Variants in AFG3L2 observed in about 807,000 individuals in gnomAD.
AFG3L2 encodes AFG3 like matrix AAA peptidase subunit 2.
A neutral mutation model predicts 94.5 loss-of-function variants in AFG3L2; 54 were observed. The ratio of observed to expected loss-of-function variants is 0.57; its 90% confidence interval spans 0.46 to 0.72. The LOEUF (loss-of-function observed/expected upper bound fraction) is 0.72. AFG3L2 is among the 30% of genes least tolerant of loss of function. AFG3L2 has a pLI of 0.00. For synonymous variants in AFG3L2, 377 were observed against 365.5 expected (o/e 1.03, Z -0.36); for missense variants, 754 against 994.9 (o/e 0.76, Z 3.26).
At chr18:12,365,022 C>T (rs529924498) in intron 5 of AFG3L2, among the ~76,000 whole-genome samples, 3 of 152,158 alleles carry the variant, frequency 2.0e-5, no homozygotes, top group African/African-American at 7.2e-5. Context: ...AGGACTGTAA[C>T]TGGTTTAGGA....
intron 15 of AFG3L2, among the ~76,000 whole-genome samples, chr18:12,338,982 C>T (rs1171432332): frequency 1.3e-5 from 2 of 152,062 alleles, no homozygotes; most frequent in Non-Finnish European, 2.9e-5. Context: ...GGGCCGGGCA[C>T]GGTGGCTCAC....
intron 16 of AFG3L2, among the ~76,000 whole-genome samples, chr18:12,332,463 TTA>T (rs1183877340): frequency 2.0e-5 from 3 of 152,146 alleles, no homozygotes; most frequent in African/African-American, 4.8e-5. Flanking sequence ...GCAATAAATG[TTA>T]TGTTTTTAAA....
chr18:12,361,064 A>G (rs1259405078), intron 6 of AFG3L2, among the ~76,000 whole-genome samples: 1 of 152,244 alleles, frequency 6.6e-6, no homozygotes, highest in Non-Finnish European at 1.5e-5. Flanking sequence ...AAATCAAAAC[A>G]GTAAGTCTAT....
intron 16 of AFG3L2, among the ~76,000 whole-genome samples, chr18:12,330,944 G>C (rs1024064016): frequency 1.3e-5 from 2 of 152,318 alleles, no homozygotes; most frequent in Admixed American, 1.3e-4. Context: ...AACTGTGGCA[G>C]AACTTGGGAC....
chr18:12,331,860 T>C (rs908105119), intron 16 of AFG3L2, among the ~76,000 whole-genome samples: 3 of 141,152 alleles, frequency 2.1e-5, no homozygotes, highest in Non-Finnish European at 4.5e-5. Flanking sequence ...TATATATATA[T>C]AAAACAAGGG....
intron 1 of AFG3L2, among the ~76,000 whole-genome samples, chr18:12,374,497 G>A (rs912861463): frequency 6.6e-6 from 1 of 152,148 alleles, no homozygotes; most frequent in African/African-American, 2.4e-5. Flanking sequence ...TCACAGCACA[G>A]TAATGCCCAG....
chr18:12,357,210 C>T (rs1407259062), intron 8 of AFG3L2, among the ~76,000 whole-genome samples: 2 of 152,138 alleles, frequency 1.3e-5, no homozygotes, highest in African/African-American at 2.4e-5. Flanking sequence ...TTATGTAATT[C>T]TTTTACTCTT....
intron 16 of AFG3L2, among the ~76,000 whole-genome samples, chr18:12,330,106 G>A (rs1429230111): frequency 1.3e-5 from 2 of 152,144 alleles, no homozygotes; most frequent in East Asian, 1.9e-4. Context: ...AGGCCGAGGC[G>A]GGTGGATCAC....
intron 15 of AFG3L2, 108 bp from the exon 16 acceptor site, chr18:12,337,643 CCAGCAGCAG>C (rs376213367): frequency 7.3e-6 from 7 of 953,638 alleles, no homozygotes; most frequent in Admixed American, 3.8e-5. Context: ...CTCTGTGTAG[CCAGCAGCAG>C]CAGCAGCAGC....
At chr18:12,371,054 T>C in intron 2 of AFG3L2, 128 bp from the exon 3 acceptor site, 1 of 579,680 alleles carries the variant, frequency 1.7e-6, no homozygotes, top group Non-Finnish European at 3.1e-6. Flanking sequence ...GGCTCATGCC[T>C]GTAATCCCAG....
chr18:12,342,842 C>G (rs1907997734), intron 14 of AFG3L2: 1 of 152,176 alleles, frequency 6.6e-6, no homozygotes, highest in Non-Finnish European at 1.5e-5. Flanking sequence ...ACTTTCCGGG[C>G]TCCATTCCAC....
rs967408146 is a variant in AFG3L2, at chr18:12,351,331, C to A, written c.1401G>T (p.Gly467=). The A allele has an allele frequency of 1.2e-6, 2 of 1,614,192 alleles. No homozygotes were observed. Among genetic ancestry groups the A allele is most frequent in the Admixed American group, 3.3e-5 (2 of 60,020 alleles). ...CAATAAAGATCTGCCTGTCGAAACG[C>A]CCCGGCCTAAGCAGCGCGGGGTCCA... ...DILDPALLRP[G]RFDRQIFIGP... Residue 467 remains glycine (G), a synonymous_variant, in exon 11 of 17, where the codon GGG becomes GGT. Coordinates refer to ENST00000269143, the MANE Select transcript of AFG3L2 (RefSeq NM_006796.3).
Position 12,367,054 on chromosome 18 carries a change from C to T in AFG3L2, c.463G>A (p.Gly155Ser), listed in dbSNP as rs863223888. 4 of 1,614,166 alleles carry T rather than the reference C, an allele frequency of 2.5e-6. No individual in the cohort carries two copies. Among genetic ancestry groups the T allele is most frequent in the Non-Finnish European group, 1.7e-6 (2 of 1,180,014 alleles). The part of the protein sequence containing the change: ...MFFLWTALFW[G>S]GVMFYLLLKR... ...AGCAGCAAGTAAAACATGACTCCAC[C>T]CCAGAACAGAGCAGTCCAGAGGAAG... The change falls in exon 5 of 17, where the codon GGT becomes AGT. Residue 155 changes from glycine (G) to serine (S), a missense_variant. By Grantham distance (56) the Gly-to-Ser change is moderately conservative. Coordinates refer to ENST00000269143, the MANE Select transcript of AFG3L2 (RefSeq NM_006796.3).
intron 14 of AFG3L2, chr18:12,343,349 T>G (rs1908015691): frequency 6.6e-6 from 1 of 152,198 alleles, no homozygotes; most frequent in Non-Finnish European, 1.5e-5. Flanking sequence ...GTGGGTTCCT[T>G]AGGATGTTTT....
intron 5 of AFG3L2, among the ~76,000 whole-genome samples, chr18:12,366,079 T>G (rs976176930): frequency 6.6e-6 from 1 of 152,084 alleles, no homozygotes; most frequent in Admixed American, 6.5e-5. Context: ...GGTTTCACCA[T>G]GTTAGCCAGG....
chr18:12,339,316 G>A (rs938719142), intron 15 of AFG3L2, among the ~76,000 whole-genome samples: 2 of 150,260 alleles, frequency 1.3e-5, no homozygotes, highest in African/African-American at 4.9e-5. Context: ...GCTTTGAGAG[G>A]CCGAGGCGGG....
At chr18:12,375,633 C>T (rs928909232) in intron 1 of AFG3L2, among the ~76,000 whole-genome samples, 5 of 152,164 alleles carry the variant, frequency 3.3e-5, no homozygotes, top group African/African-American at 4.8e-5. Context: ...GCCAGCTCCA[C>T]CGCCCAGGTT....
At chr18:12,355,388 G>C (rs1908460621) in intron 9 of AFG3L2, among the ~76,000 whole-genome samples, 1 of 152,010 alleles carries the variant, frequency 6.6e-6, no homozygotes. Context: ...AAAACCACGA[G>C]ATACTACATC....
In AFG3L2 at chr18:12,359,986, C is replaced by T. The variant is rs559186025; in HGVS notation, c.693G>A (p.Gln231=). 6.2e-7 allele frequency: 1 copy of T among 1,614,134 alleles called. No individual in the cohort carries two copies. The highest frequency in any genetic ancestry group is 1.3e-5 in the African/African-American group (1 of 75,028). Residue 231 remains glutamine (Q), a synonymous_variant, in exon 7 of 17, where the codon CAG becomes CAA. Coordinates refer to ENST00000269143, the MANE Select transcript of AFG3L2 (RefSeq NM_006796.3). The stretch of plus-strand genomic sequence containing the variant: ...GATTTTCTCCTTCTATGCCCAATTC[C>T]TGCTGTAAAGTTTCCAGATTCCGTT... ...TFERNLETLQ[Q]ELGIEGENRV...
Sources: allele counts gnomAD v4.1 joint callset (sites outside exome capture counted in the v4.1 genomes callset), GRCh38; gene constraint gnomAD v4.1.1; transcripts MANE v1.5; gene names NCBI Gene and HGNC (gene_info 2026-07-23, HGNC 2026-07-21).